PSD3: variants seen among roughly 807,000 people sequenced by gnomAD.
The protein encoded by PSD3 is PH and SEC7 domain-containing protein 3.
Under a neutral mutation model 105.5 loss-of-function variants are expected in PSD3, and 49 were observed. The ratio of observed to expected loss-of-function variants is 0.46; its 90% CI spans 0.37 to 0.59. The LOEUF (loss-of-function observed/expected upper bound fraction) is 0.59, where lower values mean the gene tolerates loss of function less well. Among genes scored for constraint, PSD3 ranks in the 20% least tolerant of loss-of-function variants. The pLI, the probability that PSD3 is intolerant of heterozygous loss-of-function variation, is 0.00. For missense variants in PSD3, 1,561 were observed against 1,263.8 expected (o/e 1.24, Z -3.57); for synonymous variants, 557 against 457.8 (o/e 1.22, Z -2.77).
intron 2 of PSD3, among the ~76,000 whole-genome samples, chr8:18,873,249 C>A (rs1480381264): frequency 6.6e-6 from 1 of 152,146 alleles, no homozygotes; most frequent in East Asian, 1.9e-4. Flanking sequence ...GAAGTCTCCC[C>A]TTCATTGTTG....
Position 18,532,999 on chromosome 8 carries a change from C to G in PSD3, c.*2744G>C, listed in dbSNP as rs1454214861. The G allele has an allele frequency of 1.3e-5, 2 of 152,286 alleles. No individual in the cohort carries two copies. The highest frequency in any genetic ancestry group is 2.9e-5 in the Non-Finnish European group (2 of 68,098). The allele number at this position is 152,286 out of a possible 1,614,324, so 9.4% of individuals were successfully genotyped here. ...GTGGGCGACGGAGGTGGGTGGCGTA[C>G]CTTCAGAGGAAAGGGAAGGGGTGCT... On this transcript the variant is annotated 3_prime_UTR_variant, in exon 16 of 16. Transcript: ENST00000327040.
intron 2 of PSD3, among the ~76,000 whole-genome samples, chr8:18,879,223 A>C (rs575940269): frequency 2.8e-4 from 42 of 152,274 alleles, no homozygotes; most frequent in Middle Eastern, 6.8e-3. Flanking sequence ...CAGCAAATTC[A>C]ACAATTGTGG....
intron 1 of PSD3, among the ~76,000 whole-genome samples, chr8:18,968,507 T>C (rs1824425977): frequency 6.6e-6 from 1 of 152,184 alleles, no homozygotes. Context: ...TGCACGCTTC[T>C]TTATAGACAT....
At chr8:19,047,703 A>G (rs1464375451) in intron 1 of PSD3, among the ~76,000 whole-genome samples, 5 of 152,138 alleles carry the variant, frequency 3.3e-5, no homozygotes, top group Non-Finnish European at 5.9e-5. Flanking sequence ...GGCACTCAGT[A>G]GGGATGTGTT....
chr8:18,584,564 G>A (rs1245163002), intron 12 of PSD3, among the ~76,000 whole-genome samples: 1 of 152,238 alleles, frequency 6.6e-6, no homozygotes, highest in Non-Finnish European at 1.5e-5. Context: ...GATGGAAGAA[G>A]TAACCTACAA....
At chr8:18,702,050 C>A (rs1298415249) in intron 9 of PSD3, among the ~76,000 whole-genome samples, 3 of 152,142 alleles carry the variant, frequency 2.0e-5, no homozygotes, top group Non-Finnish European at 4.4e-5. Flanking sequence ...ATTTTACTTC[C>A]CAAGGCAGAA....
At chr8:18,652,947 G>A (rs908563215) in intron 10 of PSD3, among the ~76,000 whole-genome samples, 5 of 152,086 alleles carry the variant, frequency 3.3e-5, no homozygotes, top group Non-Finnish European at 7.4e-5. Context: ...TTGGGGTATT[G>A]GCCATTTATT....
chr8:19,031,231 G>A (rs7836357), intron 1 of PSD3, among the ~76,000 whole-genome samples: 1,794 of 152,240 alleles, frequency 0.012, 43 homozygotes, highest in African/African-American at 0.04. Context: ...TTTCTATTGT[G>A]TTCATGTACT....
chr8:18,690,857 C>A (rs1800936994), intron 9 of PSD3, among the ~76,000 whole-genome samples: 1 of 152,208 alleles, frequency 6.6e-6, no homozygotes, highest in East Asian at 1.9e-4. Context: ...TCCAATAAGG[C>A]TTGCCTTCAC....
chr8:18,569,215 T>C (rs1801988470), intron 14 of PSD3, among the ~76,000 whole-genome samples: 3 of 133,428 alleles, frequency 2.2e-5, no homozygotes, highest in African/African-American at 2.8e-5. Context: ...CCTTTGGGTA[T>C]ATACCCAGTA....
chr8:19,084,191 C>T (rs903815040), intron 1 of PSD3: 1 of 439,078 alleles, frequency 2.3e-6, no homozygotes, highest in African/African-American at 2.0e-5. Context: ...GGATTCAGGA[C>T]ATGCGAGTTC....
At chr8:18,727,777 T>C (rs1048555803) in intron 9 of PSD3, among the ~76,000 whole-genome samples, 3 of 152,128 alleles carry the variant, frequency 2.0e-5, no homozygotes, top group African/African-American at 7.2e-5. Flanking sequence ...TACTTCCCTA[T>C]TACCCACCTA....
chr8:18,879,037 AACACACACAC>A (rs1307153950), intron 2 of PSD3, among the ~76,000 whole-genome samples: 1 of 118,088 alleles, frequency 8.5e-6, no homozygotes, highest in African/African-American at 3.1e-5. Context: ...CAAACAAACA[AACACACACAC>A]ACAAACACAC....
At chr8:18,756,285 T>A (rs1806039301) in intron 9 of PSD3, among the ~76,000 whole-genome samples, 2 of 152,238 alleles carry the variant, frequency 1.3e-5, no homozygotes, top group Middle Eastern at 3.4e-3. Flanking sequence ...ATAACTCAGA[T>A]CAAGTATTTT....
intron 1 of PSD3, among the ~76,000 whole-genome samples, chr8:19,076,311 G>T (rs752678612): frequency 6.6e-6 from 1 of 152,160 alleles, no homozygotes; most frequent in African/African-American, 2.4e-5. Context: ...CCTTGCAATA[G>T]AAACAAATTT....
chr8:18,626,646 A>G (rs1351319001), intron 11 of PSD3, among the ~76,000 whole-genome samples: 1 of 152,146 alleles, frequency 6.6e-6, no homozygotes, highest in Non-Finnish European at 1.5e-5. Flanking sequence ...ACTATAAAAC[A>G]TTTCTCTAAT....
At chr8:18,824,201 G>A (rs1010012826) in intron 4 of PSD3, among the ~76,000 whole-genome samples, 1 of 152,132 alleles carries the variant, frequency 6.6e-6, no homozygotes, top group African/African-American at 2.4e-5. Flanking sequence ...TTTAAAGTGA[G>A]ACCCAGGCTA....
chr8:18,781,493 T>C (rs551883718), intron 8 of PSD3, among the ~76,000 whole-genome samples: 1 of 152,332 alleles, frequency 6.6e-6, no homozygotes, highest in African/African-American at 2.4e-5. Flanking sequence ...GCCTCTCATA[T>C]TCCTTGAACT....
At chr8:18,746,254 C>T (rs1268370023) in intron 9 of PSD3, among the ~76,000 whole-genome samples, 1 of 152,174 alleles carries the variant, frequency 6.6e-6, no homozygotes, top group Non-Finnish European at 1.5e-5. Context: ...ACAAACCAAT[C>T]AGCATGCACT....
Sources: gnomAD v4.1 joint callset for allele counts (sites outside exome capture counted in the v4.1 genomes callset) on GRCh38, gnomAD v4.1.1 for gene constraint, MANE v1.5 for transcripts, NCBI Gene and HGNC (gene_info 2026-07-23, HGNC 2026-07-21) for gene names.